GRB10: variants seen among roughly 807,000 people sequenced by gnomAD.
GRB10 encodes growth factor receptor-bound protein 10.
A neutral mutation model predicts 80.9 loss-of-function variants in GRB10; 20 were observed. That is an observed-to-expected ratio of 0.25 (90% confidence interval 0.17 to 0.36). GRB10 has a LOEUF of 0.36. Among genes scored for constraint, GRB10 ranks in the 10% least tolerant of loss-of-function variants. The pLI, the probability that GRB10 is intolerant of heterozygous loss-of-function variation, is 1.00. For synonymous variants in GRB10, 291 were observed against 291.5 expected (o/e 1.00, Z 0.02); for missense variants, 548 against 747.7 (o/e 0.73, Z 3.12).
intron 7 of GRB10, among the ~76,000 whole-genome samples, chr7:50,634,515 T>C (rs563953836): frequency 1.3e-5 from 2 of 152,260 alleles, no homozygotes; most frequent in Admixed American, 6.5e-5. Context: ...AACAACACTA[T>C]GACAGGAATA....
rs1217103132 is a variant in GRB10, at chr7:50,674,524, C to T, written c.274G>A (p.Ala92Thr). ...TGGATGGACCGAGGAGGGCCTGAAG[C>T]CCGAGGCTGGCTGCGGGCATGCTGG... ...NGQHARSQPR[A>T]SGPPRSIQPQ... is the part of the protein sequence containing the mutation. Residue 92 changes from alanine (A) to threonine (T), a missense_variant, in exon 6 of 19, where the codon GCT becomes ACT. Coordinates refer to ENST00000401949, the MANE Select transcript of GRB10 (RefSeq NM_001350814.2). The T allele has an allele frequency of 6.2e-7, 1 of 1,610,610 alleles. No homozygotes were observed. The highest frequency in any genetic ancestry group is 1.3e-5 in the African/African-American group (1 of 74,940).
chr7:50,757,995 CCATCATCACTT>C (rs61471241), intron 2 of GRB10, among the ~76,000 whole-genome samples: 93,424 of 151,548 alleles, frequency 0.62, 31,673 homozygotes, highest in Middle Eastern at 0.87. Flanking sequence ...CCTGTCAAAC[CCATCATCACTT>C]CATCCATTTT....
chr7:50,695,927 T>C (rs2190502), intron 5 of GRB10, among the ~76,000 whole-genome samples: 4,686 of 152,096 alleles, frequency 0.031, 245 homozygotes, highest in African/African-American at 0.11. Flanking sequence ...AAAACATATA[T>C]TGTGCTCTTA....
chr7:50,643,304 T>C (rs1246057278), intron 7 of GRB10, among the ~76,000 whole-genome samples: 2 of 152,098 alleles, frequency 1.3e-5, no homozygotes, highest in Non-Finnish European at 2.9e-5. Context: ...AATCAAGTCA[T>C]AAATATCAAC....
At chr7:50,673,079 C>T (rs753394713) in intron 6 of GRB10, among the ~76,000 whole-genome samples, 5 of 152,168 alleles carry the variant, frequency 3.3e-5, no homozygotes, top group South Asian at 2.1e-4. Flanking sequence ...ATCTGGGCTG[C>T]GGAAGACCCA....
At chr7:50,661,346 T>C (rs1341946789) in intron 7 of GRB10, among the ~76,000 whole-genome samples, 3 of 152,200 alleles carry the variant, frequency 2.0e-5, no homozygotes, top group African/African-American at 7.2e-5. Context: ...GAAGAGCTGA[T>C]TGGAGCTAAG....
Position 50,702,716 on chromosome 7 carries a change from T to C in GRB10, c.139+1105A>G, listed in dbSNP as rs548218525. 2.6e-5 allele frequency among the ~76,000 whole-genome samples: 4 copies of C among 152,322 alleles called. No homozygotes were observed. The East Asian group carries it at 7.7e-4, about 29-fold the overall frequency. On this transcript the variant is annotated intron_variant, in intron 5 of 18. Coordinates refer to ENST00000401949, the MANE Select transcript of GRB10 (RefSeq NM_001350814.2). ...AGAACCAGCTCTCTTCTACACAGAA[T>C]GTGCTCCACGTTCTGTGCTGCAAAT...
intron 2 of GRB10, among the ~76,000 whole-genome samples, chr7:50,766,892 G>A (rs1053436499): frequency 2.0e-5 from 3 of 152,106 alleles, no homozygotes; most frequent in Non-Finnish European, 4.4e-5. Context: ...CATGAATAAG[G>A]AAAACCAATC....
At position 50,719,455 on chromosome 7, in the gene GRB10, A is replaced by C. The variant is rs896944895; in HGVS notation, c.51+12817T>G. Among the ~76,000 whole-genome samples, 4 of 151,898 alleles carry C rather than the reference A, an allele frequency of 2.6e-5. No homozygotes were observed. In the East Asian group the frequency reaches 5.8e-4, roughly 22 times the overall value. Reference sequence around the variant, plus strand: ...AACCAAACACTGCATGTTCTCACTCATAAGCGGCAGTTGAACAATGAGAAC... The same window carrying C: ...AACCAAACACTGCATGTTCTCACTCCTAAGCGGCAGTTGAACAATGAGAAC... On this transcript the variant is annotated intron_variant, in intron 4 of 18. Coordinates refer to ENST00000401949, the MANE Select transcript of GRB10 (RefSeq NM_001350814.2).
intron 5 of GRB10, among the ~76,000 whole-genome samples, chr7:50,701,459 C>T (rs772775091): frequency 6.6e-6 from 1 of 152,128 alleles, no homozygotes; most frequent in South Asian, 2.1e-4. Context: ...GGAGTAGTGG[C>T]GCACACCTGT....
At position 50,645,759 on chromosome 7, in the gene GRB10, A is replaced by G. The variant is rs115350705; in HGVS notation, c.505-18781T>C. ...TTTCTTGAAACTACAGAAACAGCCA[A>G]TCAAAGTGATAGATTGCCTGGACAC... On this transcript the variant is annotated intron_variant, in intron 7 of 18. Transcript: ENST00000401949. 4.7e-3 allele frequency: 1,519 copies of G among 324,774 alleles called. 29 individuals carry two copies. The highest frequency in any genetic ancestry group is 0.031 in the African/African-American group (1,379 of 44,962). The allele number at this position is 324,774 out of a possible 1,614,324, so 20.1% of individuals were successfully genotyped here. A position where few individuals can be genotyped will look rare whatever the true frequency, so the allele number is the denominator to read the frequency against.
chr7:50,593,189 A>G, intron 18 of GRB10, 91 bp from the exon 19 acceptor site: 1 of 1,439,600 alleles, frequency 6.9e-7, no homozygotes, highest in Non-Finnish European at 9.8e-7. Context: ...ACATCTGCCC[A>G]TGATTTGATT....
chr7:50,774,630 C>T (rs1174569915), intron 2 of GRB10, among the ~76,000 whole-genome samples: 2 of 152,150 alleles, frequency 1.3e-5, no homozygotes, highest in African/African-American at 4.8e-5. Flanking sequence ...AATAGAGTTG[C>T]GTTGGGGAAG....
intron 12 of GRB10, among the ~76,000 whole-genome samples, chr7:50,614,188 G>GCACAA (rs2050099156): frequency 6.6e-6 from 1 of 152,186 alleles, no homozygotes; most frequent in African/African-American, 2.4e-5. Context: ...GTATGTGTAT[G>GCACAA]CACAAAGGTG....
chr7:50,640,860 T>C (rs1431028049), intron 7 of GRB10, among the ~76,000 whole-genome samples: 1 of 152,192 alleles, frequency 6.6e-6, no homozygotes, highest in African/African-American at 2.4e-5. Context: ...TGAACTGTTT[T>C]TCTTGTAGAT....
chr7:50,685,990 A>G (rs1361680799), intron 5 of GRB10, among the ~76,000 whole-genome samples: 1 of 152,178 alleles, frequency 6.6e-6, no homozygotes, highest in Admixed American at 6.5e-5. Flanking sequence ...GCCACCTAGG[A>G]ACTTCTGGGG....
chr7:50,765,871 G>A (rs1024432878), intron 2 of GRB10, among the ~76,000 whole-genome samples: 12 of 152,146 alleles, frequency 7.9e-5, no homozygotes, highest in Non-Finnish European at 1.5e-4. Flanking sequence ...TTAAGGTGGT[G>A]GGTATATTAA....
At position 50,703,813 on chromosome 7, in the gene GRB10, T is replaced by G; in HGVS notation, c.139+8A>C. On this transcript the variant is annotated splice_region_variant and intron_variant, in intron 5 of 18. Coordinates refer to ENST00000401949, the MANE Select transcript of GRB10 (RefSeq NM_001350814.2). The stretch of plus-strand genomic sequence containing the variant: ...TGGGAGTGTTCTTGTGTTTTGCTCA[T>G]TCCTTACCCTGGTGATTCGCAAGTC... 6.2e-7 allele frequency: 1 copy of G among 1,608,584 alleles called. No individual in the cohort carries two copies. The highest frequency in any genetic ancestry group is 8.5e-7 in the Non-Finnish European group (1 of 1,175,454).
rs376440960 is a variant in GRB10 at position 50,650,146 on chromosome 7, G to T, written c.504+19576C>A. Among the ~76,000 whole-genome samples the T allele has an allele frequency of 9.8e-5, 15 of 152,342 alleles. No individual in the cohort carries two copies. In the East Asian group the frequency reaches 2.3e-3, roughly 24 times the overall value. On this transcript the variant is annotated intron_variant, in intron 7 of 18. Coordinates refer to ENST00000401949, the MANE Select transcript of GRB10 (RefSeq NM_001350814.2). The stretch of plus-strand genomic sequence containing the variant: ...AGGGATGAAGGAGCAGAGAGATGAA[G>T]AGATCACAAGCTGGGGTCGAAAACA...
Sources: allele counts gnomAD v4.1 joint callset (sites outside exome capture counted in the v4.1 genomes callset), GRCh38; gene constraint gnomAD v4.1.1; transcripts MANE v1.5; gene names NCBI Gene and HGNC (gene_info 2026-07-23, HGNC 2026-07-21).